Variants in PLEKHG7 observed in about 807,000 individuals in gnomAD.
The protein encoded by PLEKHG7 is pleckstrin homology and RhoGEF domain containing G7.
Under a neutral mutation model 85.2 loss-of-function variants are expected in PLEKHG7, and 77 were observed. The observed-to-expected ratio is 0.90, with a 90% CI of 0.75 to 1.09. The LOEUF is 1.09. PLEKHG7 is among the 50% of genes least tolerant of loss of function. PLEKHG7 has a pLI of 0.00. For missense variants in PLEKHG7, 777 were observed against 804.3 expected (o/e 0.97, Z 0.41); for synonymous variants, 301 against 302.4 (o/e 1.00, Z 0.05).
At chr12:92,738,896 A>G (rs1406288842) in intron 7 of PLEKHG7, among the ~76,000 whole-genome samples, 2 of 152,204 alleles carry the variant, frequency 1.3e-5, no homozygotes. Context: ...CTAGGAGAAA[A>G]CTGAAATTTA....
At chr12:92,729,161 G>T in intron 4 of PLEKHG7, 41 bp downstream of exon 4, 1 of 1,230,940 alleles carries the variant, frequency 8.1e-7, no homozygotes, top group South Asian at 4.1e-5. Flanking sequence ...TGCCCACTGT[G>T]GAACAGATAT....
chr12:92,769,118 A>C (rs1251773142), intron 16 of PLEKHG7, 38 bp downstream of exon 16: 6 of 1,396,598 alleles, frequency 4.3e-6, no homozygotes, highest in Non-Finnish European at 6.0e-6. Flanking sequence ...GATTCTTCAG[A>C]GTTTACATAA....
At chr12:92,757,352 C>T (rs1334965583) in intron 13 of PLEKHG7, among the ~76,000 whole-genome samples, 1 of 152,156 alleles carries the variant, frequency 6.6e-6, no homozygotes, top group Non-Finnish European at 1.5e-5. Flanking sequence ...TTCATTTCTG[C>T]ACAAAATCTT....
intron 13 of PLEKHG7, among the ~76,000 whole-genome samples, 189 bp from the exon 14 acceptor site, chr12:92,761,559 AGAAG>A (rs368776398): frequency 0.28 from 39,664 of 144,202 alleles, 6,519 homozygotes; most frequent in Non-Finnish European, 0.36. Flanking sequence ...AAAGAAAGAA[AGAAG>A]GAAGGAAGGA....
intron 7 of PLEKHG7, among the ~76,000 whole-genome samples, chr12:92,739,884 T>C (rs1217441428): frequency 6.6e-6 from 1 of 152,204 alleles, no homozygotes; most frequent in Admixed American, 6.5e-5. Flanking sequence ...CCATGGATTT[T>C]AAAAGGTCTA....
At position 92,736,511 on chromosome 12, in the gene PLEKHG7, T is replaced by C. The variant is rs1872154300; in HGVS notation, c.729T>C (p.Asp243=). Residue 243 remains aspartate (D), a synonymous_variant, in exon 6 of 17, where the codon GAT becomes GAC. Coordinates refer to ENST00000344636, the MANE Select transcript of PLEKHG7 (RefSeq NM_001377329.1). ...AAGACAAACACAAGCACATATCTGATCTGGAAAACTGCCTGTCCTCTGTGA... is the reference window on the plus strand; with the variant it reads ...AAGACAAACACAAGCACATATCTGACCTGGAAAACTGCCTGTCCTCTGTGA... ...VGKDKHKHIS[D]LENCLSSVKI... 6 of 1,231,828 alleles carry C rather than the reference T, an allele frequency of 4.9e-6. No homozygotes were observed. In the Admixed American group the frequency reaches 1.7e-4, roughly 35 times the overall value. The allele number at this position is 1,231,828 out of a possible 1,614,324, so 76.3% of individuals were successfully genotyped here.
chr12:92,756,223 T>C, intron 12 of PLEKHG7, 75 bp from the exon 13 acceptor site: 1 of 1,117,730 alleles, frequency 8.9e-7, no homozygotes, highest in Non-Finnish European at 1.3e-6. Flanking sequence ...ATGGAGTTAA[T>C]TGCCCCAGCT....
Position 92,756,288 on chromosome 12 carries a change from GTTTTACAAGTGTTTGAAACACAT to G in PLEKHG7, c.1543-4_1561del, listed in dbSNP as rs779614922. On this transcript the variant is annotated splice_acceptor_variant and splice_polypyrimidine_tract_variant and coding_sequence_variant and intron_variant, in exon 13 of 17. Transcript: ENST00000344636. LOFTEE classifies it high-confidence loss of function. ...CAACATCTCTTTTATTTTCTCGCTT[GTTTTACAAGTGTTTGAAACACAT>G]TTTTAAAGAACACATGGCAGAAAAC... The G allele has an allele frequency of 6.3e-7, 1 of 1,587,436 alleles. No homozygotes were observed. Among genetic ancestry groups the G allele is most frequent in the South Asian group, 1.1e-5 (1 of 90,200 alleles).
At chr12:92,743,948 C>G (rs1348219156) in intron 9 of PLEKHG7, among the ~76,000 whole-genome samples, 2 of 152,204 alleles carry the variant, frequency 1.3e-5, no homozygotes, top group African/African-American at 4.8e-5. Flanking sequence ...AGAAGACCCT[C>G]TCTTTACCTC....
At chr12:92,745,371 C>T (rs1872504065) in intron 9 of PLEKHG7, 107 bp from the exon 10 acceptor site, 3 of 740,890 alleles carry the variant, frequency 4.0e-6, no homozygotes, top group Admixed American at 4.6e-5. Flanking sequence ...GACTCCTCCA[C>T]TTTTCCCTGT....
chr12:92,731,787 G>A (rs1399596271), intron 4 of PLEKHG7, among the ~76,000 whole-genome samples: 2 of 152,154 alleles, frequency 1.3e-5, no homozygotes, highest in African/African-American at 4.8e-5. Context: ...CAGTTTCCAA[G>A]TCTCCCATTT....
chr12:92,705,028 TTATC>T (rs1232576243), intron 1 of PLEKHG7, among the ~76,000 whole-genome samples: 1 of 152,202 alleles, frequency 6.6e-6, no homozygotes, highest in East Asian at 1.9e-4. Flanking sequence ...AACCTATTAA[TTATC>T]TATTCACAAG....
intron 13 of PLEKHG7, among the ~76,000 whole-genome samples, chr12:92,758,546 C>T (rs923906867): frequency 5.3e-5 from 8 of 152,160 alleles, no homozygotes; most frequent in Non-Finnish European, 7.3e-5. Context: ...ATTCATGCAT[C>T]GCATGGGTTC....
At chr12:92,749,957 A>ATTTTTTATTTTATTTTATATTT (rs1555195929) in intron 10 of PLEKHG7, among the ~76,000 whole-genome samples, 1 of 121,154 alleles carries the variant, frequency 8.3e-6, no homozygotes, top group Non-Finnish European at 1.7e-5. Context: ...ATTTTATTTT[A>ATTTTTTATTTTATTTTATATTT]TATTTTATTT....
chr12:92,770,400 G>A lies in PLEKHG7; in HGVS notation c.*205G>A, dbSNP rs1024688823. 6.0e-6 allele frequency: 3 copies of A among 499,690 alleles called. No homozygotes were observed. Among genetic ancestry groups the A allele is most frequent in the Admixed American group, 4.1e-5 (1 of 24,394 alleles). 31.0% of individuals were successfully genotyped at this position (499,690 alleles called of 1,614,324 possible). A position where few individuals can be genotyped will look rare whatever the true frequency, so the allele number is the denominator to read the frequency against. ...AAATTTGAACTCTGAGGAATTTCTTGACAAATATATACTGACATCCAGATT... is the reference window on the plus strand; with the variant it reads ...AAATTTGAACTCTGAGGAATTTCTTAACAAATATATACTGACATCCAGATT... On this transcript the variant is annotated 3_prime_UTR_variant, in exon 17 of 17. Coordinates refer to ENST00000344636, the MANE Select transcript of PLEKHG7 (RefSeq NM_001377329.1).
intron 5 of PLEKHG7, among the ~76,000 whole-genome samples, chr12:92,736,201 T>C (rs2136598638): frequency 6.6e-6 from 1 of 152,218 alleles, no homozygotes; most frequent in South Asian, 2.1e-4. Flanking sequence ...GTTTGCTATA[T>C]GACCATTCTG....
chr12:92,772,411 G>A lies in PLEKHG7; in HGVS notation c.*2216G>A, dbSNP rs1368873577. ...AAAACACCACTGTCTATATCCAAGTGCAAAGTCCTAATATTCTGTAAATAA... is the reference window on the plus strand; with the variant it reads ...AAAACACCACTGTCTATATCCAAGTACAAAGTCCTAATATTCTGTAAATAA... On this transcript the variant is annotated 3_prime_UTR_variant, in exon 17 of 17. Transcript: ENST00000344636. 1.3e-5 allele frequency: 2 copies of A among 151,704 alleles called. No individual in the cohort carries two copies. The allele number at this position is 151,704 out of a possible 1,614,324, so 9.4% of individuals were successfully genotyped here.
chr12:92,738,506 C>T (rs1055682575), intron 7 of PLEKHG7, among the ~76,000 whole-genome samples: 3 of 152,300 alleles, frequency 2.0e-5, no homozygotes. Flanking sequence ...ATCTTTTCTG[C>T]AGAGGTGCAG....
intron 3 of PLEKHG7, 143 bp downstream of exon 3, chr12:92,707,815 T>C: frequency 7.1e-7 from 1 of 1,398,896 alleles, no homozygotes; most frequent in Non-Finnish European, 9.9e-7. Context: ...ACTCTTCGCA[T>C]TTATAGGTGC....
Sources: gnomAD v4.1 joint callset for allele counts (sites outside exome capture counted in the v4.1 genomes callset) on GRCh38, gnomAD v4.1.1 for gene constraint, MANE v1.5 for transcripts, NCBI Gene and HGNC (gene_info 2026-07-23, HGNC 2026-07-21) for gene names.